CRACR2A: variants seen among roughly 807,000 people sequenced by gnomAD.
The protein encoded by CRACR2A is calcium release activated channel regulator 2A, also known as EF-hand calcium-binding domain-containing protein 4B.
A neutral mutation model predicts 90.5 loss-of-function variants in CRACR2A; 79 were observed. The observed-to-expected ratio is 0.87, with a 90% CI of 0.73 to 1.05. The LOEUF (loss-of-function observed/expected upper bound fraction) is 1.05. Among genes scored for constraint, CRACR2A ranks in the 50% least tolerant of loss-of-function variants. CRACR2A has a pLI of 0.00. For missense variants in CRACR2A, 823 were observed against 897.2 expected (o/e 0.92, Z 1.06); for synonymous variants, 338 against 356.7 (o/e 0.95, Z 0.59).
intron 3 of CRACR2A, among the ~76,000 whole-genome samples, chr12:3,709,395 C>T (rs556472492): frequency 2.0e-5 from 3 of 152,358 alleles, no homozygotes; most frequent in Admixed American, 6.5e-5. Flanking sequence ...AGTAGCACCA[C>T]AGGAAGCTGT....
intron 1 of CRACR2A, among the ~76,000 whole-genome samples, chr12:3,743,542 G>A (rs1169903304): frequency 1.3e-5 from 2 of 152,196 alleles, no homozygotes; most frequent in African/African-American, 4.8e-5. Context: ...CAGCCTGGGG[G>A]AGGTGTCCAC....
chr12:3,692,975 G>C (rs1167453611), intron 4 of CRACR2A, among the ~76,000 whole-genome samples: 5 of 152,158 alleles, frequency 3.3e-5, no homozygotes, highest in Admixed American at 3.3e-4. Context: ...CACTGGTGAG[G>C]GTGTGGCTGG....
At chr12:3,618,621 G>A (rs917483462) in intron 18 of CRACR2A, among the ~76,000 whole-genome samples, 3 of 152,270 alleles carry the variant, frequency 2.0e-5, no homozygotes, top group African/African-American at 7.2e-5. Context: ...AGCATGCAAA[G>A]AATTACAGAA....
intron 1 of CRACR2A, among the ~76,000 whole-genome samples, chr12:3,744,870 A>C (rs962965233): frequency 1.3e-5 from 2 of 152,220 alleles, no homozygotes; most frequent in East Asian, 1.9e-4. Context: ...AGAAGAGGAA[A>C]CAATTCACAA....
intron 18 of CRACR2A, 58 bp from the exon 19 acceptor site, chr12:3,617,088 G>A: frequency 7.4e-7 from 1 of 1,346,950 alleles, no homozygotes; most frequent in Non-Finnish European, 1.0e-6. Flanking sequence ...GATTGTGGGG[G>A]GTGGTGGGAG....
chr12:3,685,832 T>G (rs1278953957), intron 4 of CRACR2A, among the ~76,000 whole-genome samples: 4 of 152,230 alleles, frequency 2.6e-5, no homozygotes, highest in Non-Finnish European at 5.9e-5. Flanking sequence ...AGAAAGTGAA[T>G]GTACTTAATG....
At chr12:3,697,747 C>T (rs1453867274) in intron 3 of CRACR2A, among the ~76,000 whole-genome samples, 9 of 152,164 alleles carry the variant, frequency 5.9e-5, no homozygotes, top group Non-Finnish European at 7.4e-5. Flanking sequence ...AGTTTATTTA[C>T]GTAGGAGAAA....
chr12:3,741,713 G>A (rs1157080857), intron 1 of CRACR2A, among the ~76,000 whole-genome samples: 2 of 152,150 alleles, frequency 1.3e-5, no homozygotes, highest in African/African-American at 2.4e-5. Context: ...CTGTCTGCCC[G>A]CTTCCAGCTT....
chr12:3,655,113 A>C (rs1591660433), intron 9 of CRACR2A, among the ~76,000 whole-genome samples: 1 of 152,344 alleles, frequency 6.6e-6, no homozygotes, highest in East Asian at 1.9e-4. Flanking sequence ...TAATAAATTT[A>C]GTTTAATGAA....
chr12:3,693,264 G>A (rs1229762316), intron 4 of CRACR2A, among the ~76,000 whole-genome samples: 2 of 152,226 alleles, frequency 1.3e-5, no homozygotes, highest in African/African-American at 4.8e-5. Context: ...TCAGCCACAA[G>A]TCTACCAGCA....
chr12:3,641,824 G>A lies in CRACR2A; in HGVS notation c.1179C>T (p.Ala393=). ...CCCTGGAAGCAGCTGTGTTTGCCTT[G>A]GCTGCCTTATTTTTCTGTAGAAACA... is the stretch of plus-strand genomic sequence containing the variant. ...RDICFQKNKA[A]KANTAASRAS... The change falls in exon 13 of 20, where the codon GCC becomes GCT. Residue 393 remains alanine (A), a synonymous_variant. Transcript: ENST00000440314. 6.4e-7 allele frequency: 1 copy of A among 1,550,950 alleles called. No homozygotes were observed.
chr12:3,624,411 G>C (rs1023964971), intron 17 of CRACR2A, among the ~76,000 whole-genome samples: 2 of 152,160 alleles, frequency 1.3e-5, no homozygotes, highest in African/African-American at 2.4e-5. Flanking sequence ...ATCAAATTAG[G>C]TGTCAAGTTT....
At chr12:3,657,401 A>G (rs1641412241) in intron 8 of CRACR2A, among the ~76,000 whole-genome samples, 1 of 152,190 alleles carries the variant, frequency 6.6e-6, no homozygotes, top group South Asian at 2.1e-4. Flanking sequence ...GGGATGCTGC[A>G]CTAGACGGGT....
At chr12:3,658,984 C>G (rs1055902019) in intron 8 of CRACR2A, among the ~76,000 whole-genome samples, 1 of 152,120 alleles carries the variant, frequency 6.6e-6, no homozygotes, top group African/African-American at 2.4e-5. Flanking sequence ...GTTACCACTT[C>G]CTCCGTGGTA....
chr12:3,666,594 G>A (rs1279933002), intron 7 of CRACR2A, among the ~76,000 whole-genome samples: 11 of 152,238 alleles, frequency 7.2e-5, no homozygotes. Context: ...GCCTCCCACA[G>A]GAACTGTGAA....
chr12:3,739,476 T>G (rs1157407510), intron 1 of CRACR2A, among the ~76,000 whole-genome samples: 1 of 152,202 alleles, frequency 6.6e-6, no homozygotes, highest in East Asian at 1.9e-4. Context: ...ATTTTAAAAA[T>G]AAGACATTGC....
intron 11 of CRACR2A, among the ~76,000 whole-genome samples, chr12:3,645,612 C>A (rs375874398): frequency 6.6e-6 from 1 of 152,094 alleles, no homozygotes; most frequent in Non-Finnish European, 1.5e-5. Context: ...TGGGGGCAAG[C>A]GTGGGGTCCT....
At chr12:3,653,602 C>A (rs79009360) in intron 10 of CRACR2A, among the ~76,000 whole-genome samples, 13,290 of 152,188 alleles carry the variant, frequency 0.087, 797 homozygotes, top group Non-Finnish European at 0.13. Flanking sequence ...CATGGCTGGA[C>A]GATATTGGCA....
chr12:3,620,769 T>A (rs1298304589), intron 17 of CRACR2A, among the ~76,000 whole-genome samples: 1 of 152,214 alleles, frequency 6.6e-6, no homozygotes, highest in Non-Finnish European at 1.5e-5. Context: ...AGATGGTAAC[T>A]TGTGTTTGCA....
Sources: allele counts gnomAD v4.1 joint callset (sites outside exome capture counted in the v4.1 genomes callset), GRCh38; gene constraint gnomAD v4.1.1; transcripts MANE v1.5; gene names NCBI Gene and HGNC (gene_info 2026-07-23, HGNC 2026-07-21).